The following USP53 variants were observed in gnomAD, a reference collection of about 807,000 sequenced individuals.
The protein encoded by USP53 is ubiquitin specific peptidase 53, also known as ubiquitin carboxyl-terminal hydrolase 53.
A neutral mutation model predicts 94.9 loss-of-function variants in USP53; 71 were observed. The ratio of observed to expected loss-of-function variants is 0.75; its 90% CI spans 0.62 to 0.91. The LOEUF (loss-of-function observed/expected upper bound fraction) is 0.91, where lower values mean the gene tolerates loss of function less well. Ranked by LOEUF, USP53 falls within the 40% of genes least tolerant of loss-of-function variation. The pLI is 0.00. For missense variants in USP53, 1,173 were observed against 1,281.0 expected (o/e 0.92, Z 1.29); for synonymous variants, 375 against 422.7 (o/e 0.89, Z 1.39).
In USP53 at chr4:119,215,885, G is replaced by A. The variant is rs183684909; in HGVS notation, c.-789+1663G>A. On this transcript the variant is annotated intron_variant, in intron 2 of 18. Transcript: ENST00000692078. ...ATGAACAAAATCAGTTATTTGAGGT[G>A]TCATGGTATTTTTGAATTAATTTGA... Among the ~76,000 whole-genome samples the A allele has an allele frequency of 7.6e-4, 116 of 152,268 alleles. 3 individuals carry two copies. In the South Asian group the frequency reaches 0.024, roughly 31 times the overall value.
Position 119,292,397 on chromosome 4 carries a change from A to G in USP53, c.2408A>G (p.Lys803Arg). ...LFPSSSLQIP[K>R]DHNAREHIHQ... is the part of the protein sequence containing the mutation. ...CCTTCATCCAGTCTACAAATACCCAAGGACCATAATGCAAGAGAACATATC... is the reference window on the plus strand; with the variant it reads ...CCTTCATCCAGTCTACAAATACCCAGGGACCATAATGCAAGAGAACATATC... The change falls in exon 19 of 19, where the codon AAG (lysine) becomes AGG (arginine). Residue 803 changes from lysine to arginine, a missense_variant. By Grantham distance (26) the Lys-to-Arg change is conservative. Transcript: ENST00000692078. 1.9e-6 allele frequency: 3 copies of G among 1,613,794 alleles called. No individual in the cohort carries two copies. Among genetic ancestry groups the G allele is most frequent in the Non-Finnish European group, 2.5e-6 (3 of 1,179,832 alleles).
chr4:119,267,102 A>G (rs1320272558), intron 12 of USP53, among the ~76,000 whole-genome samples: 1 of 152,226 alleles, frequency 6.6e-6, no homozygotes, highest in East Asian at 1.9e-4. Flanking sequence ...CTTGAAGTTT[A>G]TAATCTTTGC....
rs1755067326 is a variant in USP53 at position 119,294,299 on chromosome 4, A to G, written c.*1088A>G. ...TCCAGATTAAATTTCTACCTTTCATATAGAGAGTTTAATTTTAATAAAATG... is the reference window on the plus strand; with the variant it reads ...TCCAGATTAAATTTCTACCTTTCATGTAGAGAGTTTAATTTTAATAAAATG... On this transcript the variant is annotated 3_prime_UTR_variant, in exon 19 of 19. Transcript: ENST00000692078. 6.6e-6 allele frequency: 1 copy of G among 152,118 alleles called. No homozygotes were observed. The highest frequency in any genetic ancestry group is 2.4e-5 in the African/African-American group (1 of 41,456). The allele number at this position is 152,118 out of a possible 1,614,324, so 9.4% of individuals were successfully genotyped here.
At chr4:119,232,307 CAG>C (rs1268379880) in intron 3 of USP53, among the ~76,000 whole-genome samples, 1 of 152,184 alleles carries the variant, frequency 6.6e-6, no homozygotes, top group East Asian at 1.9e-4. Flanking sequence ...CCCACTTCTC[CAG>C]TCCTAAACAA....
chr4:119,291,290 T>G, intron 18 of USP53, 29 bp downstream of exon 18: 8 of 1,443,530 alleles, frequency 5.5e-6, no homozygotes, highest in Non-Finnish European at 7.7e-6. Context: ...CCTAAATACA[T>G]GTATTATAGG....
At chr4:119,262,699 T>C (rs1750657517) in intron 12 of USP53, among the ~76,000 whole-genome samples, 1 of 152,126 alleles carries the variant, frequency 6.6e-6, no homozygotes, top group African/African-American at 2.4e-5. Context: ...CAGAAGAAAA[T>C]TCACATATAA....
intron 17 of USP53, among the ~76,000 whole-genome samples, chr4:119,279,375 G>C (rs1330463078): frequency 2.7e-5 from 4 of 149,462 alleles, no homozygotes; most frequent in South Asian, 2.2e-4. Context: ...AGGTGTCAGT[G>C]TGCCCCTGCT....
At position 119,248,802 on chromosome 4, in the gene USP53, A is replaced by G. The variant is rs370235652; in HGVS notation, c.292A>G (p.Ile98Val). The change falls in exon 7 of 19, where the codon ATA (isoleucine) becomes GTA (valine). Residue 98 changes from isoleucine to valine, a missense_variant. Ile to Val is a conservative substitution (Grantham distance 29). Transcript: ENST00000692078. ...SREKALPSDN[I>V]RHALAESFKD... is the part of the protein sequence containing the mutation. Reference sequence around the variant, plus strand: ...AGAAAAAGCACTTCCCTCAGATAACATAAGGCATGCTCTTGCAGAAAGTTT... The same window carrying G: ...AGAAAAAGCACTTCCCTCAGATAACGTAAGGCATGCTCTTGCAGAAAGTTT... 1.9e-5 allele frequency: 30 copies of G among 1,614,022 alleles called. No individual in the cohort carries two copies. Among genetic ancestry groups the G allele is most frequent in the Non-Finnish European group, 2.1e-5 (25 of 1,180,040 alleles).
At chr4:119,233,174 CTT>C (rs11341773) in intron 3 of USP53, among the ~76,000 whole-genome samples, 2,181 of 142,406 alleles carry the variant, frequency 0.015, 45 homozygotes, top group African/African-American at 0.052. Flanking sequence ...TTCTCTCTCT[CTT>C]TTTTTTTTTT....
chr4:119,266,991 T>C (rs1751207245), intron 12 of USP53, among the ~76,000 whole-genome samples: 1 of 152,216 alleles, frequency 6.6e-6, no homozygotes, highest in South Asian at 2.1e-4. Flanking sequence ...TGTAGCACCA[T>C]TTGTTGAGCT....
chr4:119,279,921 T>C (rs1753281889), intron 17 of USP53, among the ~76,000 whole-genome samples: 1 of 152,222 alleles, frequency 6.6e-6, no homozygotes, highest in African/African-American at 2.4e-5. Flanking sequence ...TGACCCCTCG[T>C]GCTTCCCAGG....
chr4:119,214,287 A>C (rs1743390088), intron 2 of USP53, 65 bp downstream of exon 2: 1 of 152,184 alleles, frequency 6.6e-6, no homozygotes. Context: ...AGGCTTTTAA[A>C]ATAAGCTCCT....
At chr4:119,216,525 A>C (rs1351779084) in intron 2 of USP53, among the ~76,000 whole-genome samples, 1 of 152,110 alleles carries the variant, frequency 6.6e-6, no homozygotes, top group Non-Finnish European at 1.5e-5. Flanking sequence ...ATTTTAACTC[A>C]TTTTCTCCTT....
intron 5 of USP53, among the ~76,000 whole-genome samples, chr4:119,244,329 TG>T (rs1285527377): frequency 6.6e-6 from 1 of 152,212 alleles, no homozygotes; most frequent in Non-Finnish European, 1.5e-5. Context: ...GACCTTTAGT[TG>T]TGGAGTAGTT....
In USP53 at chr4:119,293,624, G is replaced by C. The variant is rs1475542109; in HGVS notation, c.*413G>C. The C allele has an allele frequency of 6.3e-6, 1 of 159,250 alleles. No homozygotes were observed. The highest frequency in any genetic ancestry group is 2.4e-5 in the African/African-American group (1 of 41,498). 9.9% of individuals were successfully genotyped at this position (159,250 alleles called of 1,614,324 possible). A position where few individuals can be genotyped will look rare whatever the true frequency, so the allele number is the denominator to read the frequency against. On this transcript the variant is annotated 3_prime_UTR_variant, in exon 19 of 19. Coordinates refer to ENST00000692078, the MANE Select transcript of USP53 (RefSeq NM_001371395.1). ...CCCTATTTTGTGGCCAGTAGACTGG[G>C]AAGTATTAAACTAACCAGTACTCAT...
chr4:119,249,186 C>T (rs945543999), intron 7 of USP53, among the ~76,000 whole-genome samples: 3 of 152,142 alleles, frequency 2.0e-5, no homozygotes, highest in Non-Finnish European at 2.9e-5. Context: ...AATCAGTGTT[C>T]TGCCACTATA....
intron 3 of USP53, among the ~76,000 whole-genome samples, chr4:119,230,872 C>T (rs749816112): frequency 1.3e-5 from 2 of 151,996 alleles, no homozygotes; most frequent in Non-Finnish European, 2.9e-5. Flanking sequence ...AGGGTATTAC[C>T]TAGGTGGGTT....
intron 3 of USP53, among the ~76,000 whole-genome samples, chr4:119,227,124 G>A (rs1009589915): frequency 2.0e-5 from 3 of 152,112 alleles, no homozygotes; most frequent in Non-Finnish European, 2.9e-5. Context: ...GAGCCACTGT[G>A]CCTGGCTATA....
Position 119,271,885 on chromosome 4 carries a change from T to A in USP53, c.2025T>A (p.His675Gln). 6.2e-7 allele frequency: 1 copy of A among 1,614,088 alleles called. No homozygotes were observed. Among genetic ancestry groups the A allele is most frequent in the Admixed American group, 1.7e-5 (1 of 60,010 alleles). The change falls in exon 16 of 19, where the codon CAT becomes CAA. Residue 675 changes from histidine (H) to glutamine (Q), a missense_variant. Coordinates refer to ENST00000692078, the MANE Select transcript of USP53 (RefSeq NM_001371395.1). ...KNKGLVEGKV[H>Q]GDNWQMQRTE... ...AAGGCCTTGTAGAGGGTAAAGTGCATGGTGATAATTGGCAGATGCAAAGGA... is the reference window on the plus strand; with the variant it reads ...AAGGCCTTGTAGAGGGTAAAGTGCAAGGTGATAATTGGCAGATGCAAAGGA...
Sources: allele counts gnomAD v4.1 joint callset (sites outside exome capture counted in the v4.1 genomes callset), GRCh38; gene constraint gnomAD v4.1.1; transcripts MANE v1.5; gene names NCBI Gene and HGNC (gene_info 2026-07-23, HGNC 2026-07-21).